ADGRV1: variants seen among roughly 807,000 people sequenced by gnomAD.
ADGRV1 encodes adhesion G protein-coupled receptor V1.
Under a neutral mutation model 596.2 loss-of-function variants are expected in ADGRV1, and 359 were observed. That is an observed-to-expected ratio of 0.60 (90% confidence interval 0.55 to 0.66). The LOEUF (loss-of-function observed/expected upper bound fraction) is 0.66, where lower values mean the gene tolerates loss of function less well. Among genes scored for constraint, ADGRV1 ranks in the 30% least tolerant of loss-of-function variants. The probability of loss-of-function intolerance (pLI) is 0.00; values close to 1 mark genes in which losing one functional copy is unlikely to be tolerated. For missense variants in ADGRV1, 7,274 were observed against 7,575.6 expected (o/e 0.96, Z 1.48); for synonymous variants, 2,681 against 2,679.2 (o/e 1.00, Z -0.02).
intron 85 of ADGRV1, among the ~76,000 whole-genome samples, chr5:91,054,529 A>G (rs1786663059): frequency 6.6e-6 from 1 of 152,220 alleles, no homozygotes; most frequent in Non-Finnish European, 1.5e-5. Flanking sequence ...GCATGTAAAT[A>G]ATAGACACTT....
intron 86 of ADGRV1, among the ~76,000 whole-genome samples, chr5:91,078,493 C>T (rs1447598692): frequency 6.6e-6 from 1 of 152,218 alleles, no homozygotes; most frequent in Non-Finnish European, 1.5e-5. Flanking sequence ...TACATCTGGA[C>T]TGTCTTTGGA....
At chr5:90,604,381 A>G (rs1413983894) in intron 1 of ADGRV1, among the ~76,000 whole-genome samples, 5 of 152,324 alleles carry the variant, frequency 3.3e-5, no homozygotes, top group Non-Finnish European at 7.3e-5. Flanking sequence ...ACTGTCTTCA[A>G]TGAAGAGAAA....
rs1764885190 is a variant in ADGRV1, at chr5:90,627,247, A to C, written c.709A>C (p.Lys237Gln). Residue 237 changes from lysine to glutamine, a missense_variant, in exon 7 of 90, where the codon AAA (lysine) becomes CAA (glutamine). Lys to Gln is a moderately conservative substitution (Grantham distance 53). This residue lies in a region of ADGRV1 where 1,715 missense variants were observed against 1,708.8 expected (regional missense o/e 1.00). Coordinates refer to ENST00000405460, the MANE Select transcript of ADGRV1 (RefSeq NM_032119.4). ...TGATGAAATATTTTTAATTCAACTG[A>C]AAAGTGTAGAAGGAGGAGCTGAGAT... ...ENDEIFLIQLKSVEGGAEINT... is the reference protein window; with the variant it reads ...ENDEIFLIQLQSVEGGAEINT... 1 of 1,564,432 alleles carries C rather than the reference A, an allele frequency of 6.4e-7. No individual in the cohort carries two copies. The highest frequency in any genetic ancestry group is 8.6e-7 in the Non-Finnish European group (1 of 1,156,072).
In ADGRV1 at chr5:90,753,653, T is replaced by C. The variant is rs113498662; in HGVS notation, c.11201T>C (p.Val3734Ala). 3.2e-4 allele frequency: 517 copies of C among 1,613,456 alleles called. No homozygotes were observed. The African/African-American group carries it at 6.0e-3, about 19-fold the overall frequency. ...GATAATATACCAGAGTTATCAGAGG[T>C]TGTGATTGTAACCCTCACCCGTATC... ...LADNIPELSEVVIVTLTRITT... is the reference protein window; with the variant it reads ...LADNIPELSEAVIVTLTRITT... The change falls in exon 54 of 90, where the codon GTT (valine) becomes GCT (alanine). Residue 3734 changes from valine to alanine, a missense_variant. By Grantham distance (64) the Val-to-Ala change is moderately conservative. Around this residue, in one of 5 missense-constraint regions of ADGRV1, gnomAD observed 3,643 missense variants for 3,809.2 expected, o/e 0.96. Transcript: ENST00000405460.
At chr5:90,658,849 T>C (rs1769818386) in intron 21 of ADGRV1, among the ~76,000 whole-genome samples, 1 of 152,200 alleles carries the variant, frequency 6.6e-6, no homozygotes, top group African/African-American at 2.4e-5. Flanking sequence ...CATCTTGGTT[T>C]CCTGTTCAGT....
chr5:90,791,087 C>T lies in ADGRV1; in HGVS notation c.14258C>T (p.Ser4753Phe). 1 of 1,613,926 alleles carries T rather than the reference C, an allele frequency of 6.2e-7. No homozygotes were observed. Among genetic ancestry groups the T allele is most frequent in the East Asian group, 2.2e-5 (1 of 44,862 alleles). The change falls in exon 70 of 90, where the codon TCT becomes TTT. Residue 4753 changes from serine (S) to phenylalanine (F), a missense_variant. This residue lies in a region of ADGRV1 where 1,874 missense variants were observed against 1,970.2 expected (regional missense o/e 0.95). Coordinates refer to ENST00000405460, the MANE Select transcript of ADGRV1 (RefSeq NM_032119.4). ...LDLEKSITWF[S>F]VYANDDPHGV... is the part of the protein sequence containing the mutation. The stretch of plus-strand genomic sequence containing the variant: ...CTGGAGAAGAGTATCACATGGTTCT[C>T]TGTTTATGCAAATGATGACCCACAT...
chr5:91,016,296 T>G (rs1340360700), intron 85 of ADGRV1, among the ~76,000 whole-genome samples: 1 of 151,956 alleles, frequency 6.6e-6, no homozygotes, highest in Admixed American at 6.6e-5. Context: ...GGTAGGAAGT[T>G]CTTTAGAAAT....
chr5:90,621,722 A>G (rs1034689531), intron 4 of ADGRV1, among the ~76,000 whole-genome samples: 1 of 151,996 alleles, frequency 6.6e-6, no homozygotes, highest in Non-Finnish European at 1.5e-5. Flanking sequence ...GCAGCCTCTG[A>G]CATCCTTAAA....
chr5:91,011,986 T>C (rs1295173172), intron 85 of ADGRV1, among the ~76,000 whole-genome samples: 3 of 151,958 alleles, frequency 2.0e-5, no homozygotes. Context: ...AAATTACCCT[T>C]TCTTTTTGAT....
chr5:90,707,830 G>A (rs1748803395), intron 38 of ADGRV1, among the ~76,000 whole-genome samples: 1 of 151,824 alleles, frequency 6.6e-6, no homozygotes, highest in Non-Finnish European at 1.5e-5. Flanking sequence ...TCCCTGATTA[G>A]CACTAAGATT....
rs150462369 is a variant in ADGRV1, at chr5:91,076,787, A to G, written c.18310+4183A>G. ...GTGTTTTTATATTCAACATACTATA[A>G]CTCACCTCTACTTGAATATGCTCCA... On this transcript the variant is annotated intron_variant, in intron 86 of 89. Transcript: ENST00000405460. Among the ~76,000 whole-genome samples the G allele has an allele frequency of 3.9e-3, 594 of 152,144 alleles. 3 individuals are homozygous for G. The highest frequency in any genetic ancestry group is 0.012 in the African/African-American group (482 of 41,510).
At chr5:91,129,944 GA>G (rs1329327801) in intron 87 of ADGRV1, among the ~76,000 whole-genome samples, 2 of 151,994 alleles carry the variant, frequency 1.3e-5, no homozygotes, top group African/African-American at 4.8e-5. Context: ...AATAAGAAAA[GA>G]AAAAAATTTT....
Position 91,074,501 on chromosome 5 carries a change from T to C in ADGRV1, c.18310+1897T>C, listed in dbSNP as rs114539934. Among the ~76,000 whole-genome samples, 588 of 152,330 alleles carry C rather than the reference T, an allele frequency of 3.9e-3. 2 individuals are homozygous for C. The highest frequency in any genetic ancestry group is 0.013 in the African/African-American group (555 of 41,576). ...TCCATCTGTGTTGCTGCAAAGGAGA[T>C]GATCTCGGTTTTTTATGACTGCATA... is the stretch of plus-strand genomic sequence containing the variant. On this transcript the variant is annotated intron_variant, in intron 86 of 89. Coordinates refer to ENST00000405460, the MANE Select transcript of ADGRV1 (RefSeq NM_032119.4).
chr5:90,644,237 A>G (rs1053665417), intron 14 of ADGRV1, among the ~76,000 whole-genome samples: 6 of 152,236 alleles, frequency 3.9e-5, no homozygotes, highest in African/African-American at 1.4e-4. Flanking sequence ...CAAACACTCA[A>G]GAATGAGTCC....
intron 82 of ADGRV1, among the ~76,000 whole-genome samples, chr5:90,861,316 T>G (rs1326124102): frequency 1.3e-5 from 2 of 151,540 alleles, no homozygotes; most frequent in African/African-American, 4.9e-5. Context: ...TTTTTTTTTG[T>G]TTTTGTTTTT....
chr5:90,986,029 A>G (rs1780466284), intron 85 of ADGRV1, among the ~76,000 whole-genome samples: 1 of 150,930 alleles, frequency 6.6e-6, no homozygotes, highest in Non-Finnish European at 1.5e-5. Context: ...TTATTAAAAT[A>G]CCCTTTTAAT....
intron 60 of ADGRV1, among the ~76,000 whole-genome samples, chr5:90,775,872 C>T (rs1016615258): frequency 6.6e-6 from 1 of 152,162 alleles, no homozygotes; most frequent in Non-Finnish European, 1.5e-5. Flanking sequence ...TATAGTGATA[C>T]AGCTCTTTGT....
In ADGRV1 at chr5:90,810,563, A is replaced by T; in HGVS notation, c.15303A>T (p.Gly5101=). The T allele has an allele frequency of 1.9e-6, 3 of 1,613,920 alleles. No individual in the cohort carries two copies. The highest frequency in any genetic ancestry group is 1.7e-6 in the Non-Finnish European group (2 of 1,179,856). ...YINLTSVEIR[G]LQKFDVNWSP... ...ACCTTACTTCAGTAGAAATTAGGGG[A>T]TTACAAAAGTTTGATGTTAATTGGA... is the stretch of plus-strand genomic sequence containing the variant. Residue 5101 remains glycine (G), a synonymous_variant, in exon 74 of 90, where the codon GGA becomes GGT. Coordinates refer to ENST00000405460, the MANE Select transcript of ADGRV1 (RefSeq NM_032119.4).
rs79915053 is a variant in ADGRV1, at chr5:90,694,569, T to G, written c.7813T>G (p.Leu2605Val). The G allele has an allele frequency of 2.8e-3, 4,478 of 1,613,784 alleles. 84 individuals are homozygous for G. The African/African-American group carries it at 0.053, about 19-fold the overall frequency. Reference protein sequence around the residue: ...FVEVQEQPQTLVELMIHRTGG... With the variant: ...FVEVQEQPQTVVELMIHRTGG... ...TGAAGTTCAGGAGCAGCCCCAAACCTTGGTGGAGCTGATGATACACAGGAC... is the reference window on the plus strand; with the variant it reads ...TGAAGTTCAGGAGCAGCCCCAAACCGTGGTGGAGCTGATGATACACAGGAC... Residue 2605 changes from leucine to valine, a missense_variant, in exon 33 of 90, where the codon TTG becomes GTG. Physicochemically the swap from Leu to Val is conservative, Grantham distance 32. This residue lies in a region of ADGRV1 where 3,643 missense variants were observed against 3,809.2 expected (regional missense o/e 0.96). Coordinates refer to ENST00000405460, the MANE Select transcript of ADGRV1 (RefSeq NM_032119.4).
Sources: allele counts gnomAD v4.1 joint callset (sites outside exome capture counted in the v4.1 genomes callset), GRCh38; gene constraint gnomAD v4.1.1; regional missense constraint gnomAD v4.1.1; transcripts MANE v1.5; gene names NCBI Gene and HGNC (gene_info 2026-07-23, HGNC 2026-07-21).